OSBPL1A: variants seen among roughly 807,000 people sequenced by gnomAD.
OSBPL1A encodes oxysterol-binding protein-related protein 1.
OSBPL1A carries 80 observed loss-of-function variants against 137.1 expected under a neutral mutation model. The observed-to-expected ratio is 0.58, with a 90% CI of 0.49 to 0.70. The LOEUF (loss-of-function observed/expected upper bound fraction) is 0.70, where lower values mean the gene tolerates loss of function less well. Ranked by LOEUF, OSBPL1A falls within the 30% of genes least tolerant of loss-of-function variation. The pLI is 0.00. For synonymous variants in OSBPL1A, 365 were observed against 389.7 expected (o/e 0.94, Z 0.75); for missense variants, 970 against 1,129.4 (o/e 0.86, Z 2.02).
chr18:24,205,954 G>C (rs546651383), intron 17 of OSBPL1A, among the ~76,000 whole-genome samples: 29 of 150,714 alleles, frequency 1.9e-4, no homozygotes, highest in Non-Finnish European at 4.2e-4. Flanking sequence ...GTAGTGGTGT[G>C]ATCTCGGCTC....
chr18:24,216,816 C>A (rs1347185767), intron 17 of OSBPL1A, among the ~76,000 whole-genome samples: 1 of 151,874 alleles, frequency 6.6e-6, no homozygotes, highest in Non-Finnish European at 1.5e-5. Flanking sequence ...AGACTACAAA[C>A]AACGGTCAAT....
chr18:24,299,772 C>T (rs2090362222), intron 14 of OSBPL1A, among the ~76,000 whole-genome samples: 1 of 152,140 alleles, frequency 6.6e-6, no homozygotes, highest in Non-Finnish European at 1.5e-5. Context: ...ATTCACTATA[C>T]ACATTTAGTA....
intron 27 of OSBPL1A, among the ~76,000 whole-genome samples, 163 bp from the exon 28 acceptor site, chr18:24,163,444 G>A (rs560373736): frequency 2.1e-4 from 32 of 152,282 alleles, no homozygotes; most frequent in African/African-American, 7.5e-4. Flanking sequence ...CTTAGGTAGG[G>A]AACAGGTCTG....
At chr18:24,349,035 T>G (rs1471668914) in intron 4 of OSBPL1A, among the ~76,000 whole-genome samples, 2 of 152,144 alleles carry the variant, frequency 1.3e-5, no homozygotes, top group Non-Finnish European at 2.9e-5. Flanking sequence ...GGCATGGTGA[T>G]GCACACCTGT....
chr18:24,170,591 A>G (rs1464905681), intron 23 of OSBPL1A, 138 bp from the exon 24 acceptor site: 29 of 865,454 alleles, frequency 3.4e-5, no homozygotes, highest in Non-Finnish European at 5.0e-5. Context: ...AGCAGATGAG[A>G]TCAGGCGTGT....
At chr18:24,241,713 T>C (rs917449947) in intron 15 of OSBPL1A, among the ~76,000 whole-genome samples, 3 of 152,326 alleles carry the variant, frequency 2.0e-5, no homozygotes, top group South Asian at 2.1e-4. Context: ...TGGAAGACAG[T>C]GTGGCGATTC....
chr18:24,229,782 G>A lies in OSBPL1A; in HGVS notation c.1445-4584C>T, dbSNP rs1027282951. Among the ~76,000 whole-genome samples, 6 of 150,538 alleles carry A rather than the reference G, an allele frequency of 4.0e-5. No homozygotes were observed. The East Asian group carries it at 5.8e-4, about 15-fold the overall frequency. On this transcript the variant is annotated intron_variant, in intron 16 of 27. Coordinates refer to ENST00000319481, the MANE Select transcript of OSBPL1A (RefSeq NM_080597.4). ...TGGCTTTTTTTTGAGACGAAGCCTC[G>A]CTCTGTCACCCAGGCTGGAGTGCAG... is the stretch of plus-strand genomic sequence containing the variant.
Position 24,166,566 on chromosome 18 carries a change from G to T in OSBPL1A, c.2659+13C>A. 6.3e-7 allele frequency: 1 copy of T among 1,595,982 alleles called. No homozygotes were observed. Among genetic ancestry groups the T allele is most frequent in the Non-Finnish European group, 8.5e-7 (1 of 1,174,014 alleles). On this transcript the variant is annotated intron_variant, in intron 26 of 27. Transcript: ENST00000319481. Reference sequence around the variant, plus strand: ...ATGAGTCTTCACTGGTGGCTTTGGCGGATGCTAGTTACCTATCTCTCCATT... The same window carrying T: ...ATGAGTCTTCACTGGTGGCTTTGGCTGATGCTAGTTACCTATCTCTCCATT...
chr18:24,207,327 G>A (rs2087403904), intron 17 of OSBPL1A, among the ~76,000 whole-genome samples: 2 of 152,294 alleles, frequency 1.3e-5, no homozygotes, highest in Middle Eastern at 3.4e-3. Flanking sequence ...CAGGTGATCT[G>A]CCTGCCTTGG....
At chr18:24,368,668 C>T (rs772509451) in intron 2 of OSBPL1A, 3 of 256,114 alleles carry the variant, frequency 1.2e-5, no homozygotes, top group African/African-American at 6.5e-5. Context: ...TCTAGGGCTC[C>T]GAGTCTTTAA....
chr18:24,197,783 TTTC>T (rs1291079394), intron 17 of OSBPL1A, among the ~76,000 whole-genome samples: 2 of 145,116 alleles, frequency 1.4e-5, no homozygotes, highest in South Asian at 2.2e-4. Context: ...GTTCTTTTCT[TTTC>T]TTTTTTTTTT....
chr18:24,248,909 A>C (rs2088985689), intron 15 of OSBPL1A, among the ~76,000 whole-genome samples: 1 of 152,276 alleles, frequency 6.6e-6, no homozygotes, highest in South Asian at 2.1e-4. Context: ...TACACAAATG[A>C]CAATTTAACA....
At chr18:24,313,421 GAAAA>G (rs67320005) in intron 12 of OSBPL1A, among the ~76,000 whole-genome samples, 1 of 138,082 alleles carries the variant, frequency 7.2e-6, no homozygotes, top group East Asian at 2.1e-4. Flanking sequence ...AGCCTGGGCG[GAAAA>G]AAAAAAAAAA....
intron 17 of OSBPL1A, among the ~76,000 whole-genome samples, chr18:24,221,403 C>A (rs1235335062): frequency 1.3e-5 from 2 of 152,136 alleles, no homozygotes; most frequent in East Asian, 3.8e-4. Flanking sequence ...GCAAAATAAA[C>A]CTCTCAGGTT....
intron 1 of OSBPL1A, among the ~76,000 whole-genome samples, chr18:24,390,942 A>G (rs965612508): frequency 1.3e-5 from 2 of 151,782 alleles, no homozygotes; most frequent in African/African-American, 2.4e-5. Context: ...TCTACTAAAA[A>G]CACAAAAATT....
chr18:24,370,297 T>C (rs1430261846), intron 2 of OSBPL1A, among the ~76,000 whole-genome samples: 1 of 152,232 alleles, frequency 6.6e-6, no homozygotes, highest in East Asian at 1.9e-4. Context: ...CCTTTGAGGC[T>C]TCTGTCATTA....
intron 1 of OSBPL1A, among the ~76,000 whole-genome samples, chr18:24,384,840 C>A (rs2144265789): frequency 6.7e-6 from 1 of 150,230 alleles, no homozygotes; most frequent in South Asian, 2.1e-4. Flanking sequence ...CGCCATTGCA[C>A]CCCAGCCTCG....
In OSBPL1A at chr18:24,312,418, G is replaced by A. The variant is rs570148629; in HGVS notation, c.970-312C>T. Among the ~76,000 whole-genome samples, 6 of 152,152 alleles carry A rather than the reference G, an allele frequency of 3.9e-5. No homozygotes were observed. The South Asian group carries it at 6.2e-4, about 16-fold the overall frequency. ...TTGTCACTTAAAATTATAGGTTCTC[G>A]TTTTCAATATTGAGAACCTGTAATT... On this transcript the variant is annotated intron_variant, in intron 12 of 27. Coordinates refer to ENST00000319481, the MANE Select transcript of OSBPL1A (RefSeq NM_080597.4).
intron 18 of OSBPL1A, among the ~76,000 whole-genome samples, chr18:24,193,020 C>T (rs1009781179): frequency 6.6e-6 from 1 of 152,120 alleles, no homozygotes; most frequent in Non-Finnish European, 1.5e-5. Context: ...AGCTAAGGCT[C>T]AGTATCAAAT....
Sources: gnomAD v4.1 joint callset for allele counts (sites outside exome capture counted in the v4.1 genomes callset) on GRCh38, gnomAD v4.1.1 for gene constraint, MANE v1.5 for transcripts, NCBI Gene and HGNC (gene_info 2026-07-23, HGNC 2026-07-21) for gene names.